EYS: variants seen among roughly 807,000 people sequenced by gnomAD.
EYS encodes the protein EGF-like photoreceptor maintenance factor.
EYS carries 250 observed loss-of-function variants against 282.1 expected under a neutral mutation model. That is an observed-to-expected ratio of 0.89 (90% confidence interval 0.80 to 0.98). EYS has a LOEUF of 0.98. Ranked by LOEUF, EYS falls within the 50% of genes least tolerant of loss-of-function variation. The pLI is 0.00. For synonymous variants in EYS, 1,355 were observed against 1,282.9 expected, an observed-to-expected ratio of 1.06 and a Z score of -1.20; for missense variants, 4,016 against 3,709.0, an observed-to-expected ratio of 1.08 and a Z score of -2.15.
chr6:63,753,079 T>C (rs1405665215), intron 41 of EYS, among the ~76,000 whole-genome samples: 1 of 149,812 alleles, frequency 6.7e-6, no homozygotes, highest in Non-Finnish European at 1.5e-5. Flanking sequence ...TAAGAGGGCA[T>C]ATTTTCTTTT....
At chr6:63,775,000 C>G (rs1046827785) in intron 40 of EYS, among the ~76,000 whole-genome samples, 3 of 151,298 alleles carry the variant, frequency 2.0e-5, no homozygotes, top group Non-Finnish European at 4.4e-5. Context: ...TTAATGTAAC[C>G]TTTTTTCTTT....
At chr6:65,680,473 A>G (rs1441571069) in intron 1 of EYS, among the ~76,000 whole-genome samples, 1 of 151,986 alleles carries the variant, frequency 6.6e-6, no homozygotes, top group African/African-American at 2.4e-5. Context: ...TATAGTAAAG[A>G]AAATAATATA....
At chr6:64,739,630 C>T (rs1395545276) in intron 22 of EYS, among the ~76,000 whole-genome samples, 1 of 152,102 alleles carries the variant, frequency 6.6e-6, no homozygotes. Flanking sequence ...TAATTCCATT[C>T]AGAACCATTA....
intron 1 of EYS, among the ~76,000 whole-genome samples, chr6:65,699,226 T>C (rs1022610331): frequency 1.3e-5 from 2 of 152,194 alleles, no homozygotes; most frequent in African/African-American, 4.8e-5. Flanking sequence ...CTAGATATGA[T>C]ATTTTGGATG....
intron 26 of EYS, among the ~76,000 whole-genome samples, chr6:64,510,119 A>G (rs1399448904): frequency 6.6e-6 from 1 of 152,160 alleles, no homozygotes; most frequent in Non-Finnish European, 1.5e-5. Context: ...AGACAAACTC[A>G]AATTATTTAG....
chr6:65,573,679 A>G (rs995074328), intron 2 of EYS, among the ~76,000 whole-genome samples: 1 of 152,144 alleles, frequency 6.6e-6, no homozygotes, highest in Admixed American at 6.5e-5. Context: ...TACTGGAACC[A>G]CAGCTATAAG....
chr6:64,907,991 G>T (rs1767882719), intron 16 of EYS, among the ~76,000 whole-genome samples: 1 of 152,142 alleles, frequency 6.6e-6, no homozygotes, highest in South Asian at 2.1e-4. Context: ...GGCTTCATAT[G>T]CTGGAGACTC....
At chr6:64,860,696 T>C (rs1766207822) in intron 19 of EYS, among the ~76,000 whole-genome samples, 1 of 152,174 alleles carries the variant, frequency 6.6e-6, no homozygotes, top group Non-Finnish European at 1.5e-5. Context: ...AGGGGTGTTT[T>C]TCAGCCCTGT....
intron 23 of EYS, among the ~76,000 whole-genome samples, chr6:64,621,252 T>C: frequency 6.6e-6 from 1 of 152,196 alleles, no homozygotes; most frequent in Non-Finnish European, 1.5e-5. Context: ...TATAATACTT[T>C]GAGTTTATGA....
intron 35 of EYS, among the ~76,000 whole-genome samples, chr6:63,866,197 G>A (rs1772667586): frequency 2.0e-5 from 3 of 151,120 alleles, no homozygotes; most frequent in African/African-American, 7.3e-5. Context: ...TAAAAGCACA[G>A]CCGGACCACC....
chr6:64,726,169 A>T (rs1771748235), intron 22 of EYS, among the ~76,000 whole-genome samples: 1 of 151,342 alleles, frequency 6.6e-6, no homozygotes, highest in African/African-American at 2.4e-5. Flanking sequence ...CCCAATTCAA[A>T]TCTCACTCTT....
In EYS at chr6:64,388,780, G is replaced by T; in HGVS notation, c.5988C>A (p.Cys1996Ter). The change falls in exon 29 of 43, where the codon TGC becomes TGA. Residue 1996 changes from cysteine (C) to a stop codon, truncating the protein, a stop_gained. Transcript: ENST00000503581. LOFTEE classifies it high-confidence loss of function. ...LTILGRNTQI[C>*]ESINHVLGKP... ...TTCCGAGTACATGATTGATAGATTCGCATATTTGTGTATTCCTCCCTAAAA... is the reference window on the plus strand; with the variant it reads ...TTCCGAGTACATGATTGATAGATTCTCATATTTGTGTATTCCTCCCTAAAA... The T allele has an allele frequency of 6.5e-7, 1 of 1,543,710 alleles. No homozygotes were observed. Among genetic ancestry groups the T allele is most frequent in the Non-Finnish European group, 8.7e-7 (1 of 1,142,920 alleles).
intron 33 of EYS, among the ~76,000 whole-genome samples, chr6:64,019,010 A>C (rs1291406657): frequency 6.6e-6 from 1 of 151,912 alleles, no homozygotes; most frequent in Non-Finnish European, 1.5e-5. Flanking sequence ...CCTGACCTCA[A>C]GTGATCCACC....
rs1480637824 is a variant in EYS, at chr6:64,638,235, A to T, written c.3444-11990T>A. 5.4e-5 allele frequency among the ~76,000 whole-genome samples: 5 copies of T among 91,788 alleles called. 2 individuals are homozygous for T. The highest frequency in any genetic ancestry group is 2.1e-4 in the African/African-American group (5 of 24,290). The allele number at this position is 91,788 out of a possible 152,430, so 60.2% of individuals were successfully genotyped here. ...ATATAAATGTTGGGAAGAATGTAGG[A>T]CCTTCTGAGGCAGGGACAGAACTAA... On this transcript the variant is annotated intron_variant, in intron 22 of 42. Transcript: ENST00000503581.
intron 19 of EYS, among the ~76,000 whole-genome samples, chr6:64,853,032 C>G (rs1470002107): frequency 1.3e-5 from 2 of 152,188 alleles, no homozygotes; most frequent in African/African-American, 4.8e-5. Flanking sequence ...ATTTTTGTTT[C>G]TTTCTTGCCT....
intron 29 of EYS, among the ~76,000 whole-genome samples, chr6:64,345,278 T>A (rs1464844987): frequency 6.6e-6 from 1 of 152,132 alleles, no homozygotes; most frequent in East Asian, 1.9e-4. Context: ...GCCAGAGGCA[T>A]CATGCTACCT....
At chr6:64,671,786 G>A (rs1029895991) in intron 22 of EYS, among the ~76,000 whole-genome samples, 4 of 151,780 alleles carry the variant, frequency 2.6e-5, no homozygotes, top group African/African-American at 7.3e-5. Context: ...ATAAGAATAT[G>A]GCTACTAATA....
intron 22 of EYS, among the ~76,000 whole-genome samples, chr6:64,708,171 T>C (rs975299567): frequency 6.6e-6 from 1 of 152,198 alleles, no homozygotes; most frequent in African/African-American, 2.4e-5. Context: ...AGTACTGTCA[T>C]AACTTGTTGA....
At chr6:65,449,329 C>G (rs1341169638) in intron 5 of EYS, among the ~76,000 whole-genome samples, 15 of 152,086 alleles carry the variant, frequency 9.9e-5, no homozygotes, top group Non-Finnish European at 1.5e-5. Flanking sequence ...GCATATAAGA[C>G]AGGTGAAGAA....
Sources: gnomAD v4.1 joint callset for allele counts (sites outside exome capture counted in the v4.1 genomes callset) on GRCh38, gnomAD v4.1.1 for gene constraint, MANE v1.5 for transcripts, NCBI Gene and HGNC (gene_info 2026-07-23, HGNC 2026-07-21) for gene names.